Variants in AGXT observed in about 807,000 individuals in gnomAD.
The protein encoded by AGXT is alanine--glyoxylate aminotransferase.
A neutral mutation model predicts 46.9 loss-of-function variants in AGXT; 41 were observed. The observed-to-expected ratio is 0.88, with a 90% CI of 0.68 to 1.14. The LOEUF is 1.14. Among genes scored for constraint, AGXT ranks in the 50% most tolerant of loss-of-function variants. The pLI, the probability that AGXT is intolerant of heterozygous loss-of-function variation, is 0.00. For synonymous variants in AGXT, 244 were observed against 227.9 expected, an observed-to-expected ratio of 1.07 and a Z score of -0.64; for missense variants, 525 against 522.7, an observed-to-expected ratio of 1.00 and a Z score of -0.04.
intron 2 of AGXT, among the ~76,000 whole-genome samples, chr2:240,869,901 G>A (rs1341226332): frequency 6.6e-6 from 1 of 152,152 alleles, no homozygotes; most frequent in African/African-American, 2.4e-5. Context: ...GGCATTGAGG[G>A]ACATCAGCTT....
At position 240,874,039 on chromosome 2, in the gene AGXT, C is replaced by T; in HGVS notation, c.657C>T (p.Leu219=). The T allele has an allele frequency of 6.2e-7, 1 of 1,613,712 alleles. No homozygotes were observed. Among genetic ancestry groups the T allele is most frequent in the East Asian group, 2.2e-5 (1 of 44,876 alleles). The stretch of plus-strand genomic sequence containing the variant: ...TGAACGCCCCTCCAGGGACCTCGCT[C>T]ATCTCCTTCAGTGACAAGGCCAAGT... ...KALNAPPGTS[L]ISFSDKAKKK... The change falls in exon 6 of 11, where the codon CTC becomes CTT. Residue 219 remains leucine, a synonymous_variant. Transcript: ENST00000307503.
At position 240,877,575 on chromosome 2, in the gene AGXT, G is replaced by A. The variant is rs377132245; in HGVS notation, c.885G>A (p.Ala295=). ...ENSWRQHREA[A]AYLHGRLQAL... ...GCTGGCGCCAGCACCGCGAGGCCGCGGCGTATCTGCATGGGCGCCTGCAGG... is the reference window on the plus strand; with the variant it reads ...GCTGGCGCCAGCACCGCGAGGCCGCAGCGTATCTGCATGGGCGCCTGCAGG... Residue 295 remains alanine (A), a synonymous_variant, in exon 9 of 11, where the codon GCG becomes GCA. Transcript: ENST00000307503. 190 of 1,550,736 alleles carry A rather than the reference G, an allele frequency of 1.2e-4. No homozygotes were observed. Among genetic ancestry groups the A allele is most frequent in the Non-Finnish European group, 1.5e-4 (171 of 1,146,924 alleles).
At chr2:240,878,607 G>T in intron 10 of AGXT, 107 bp from the exon 11 acceptor site, 1 of 1,037,866 alleles carries the variant, frequency 9.6e-7, no homozygotes, top group South Asian at 1.4e-5. Context: ...GACGCTGGGT[G>T]GGTGGTCCTC....
In AGXT at chr2:240,879,101, G is replaced by A. The variant is rs1340664429; in HGVS notation, c.*280G>A. 3.6e-6 allele frequency: 2 copies of A among 559,436 alleles called. No individual in the cohort carries two copies. Among genetic ancestry groups the A allele is most frequent in the Non-Finnish European group, 6.4e-6 (2 of 310,462 alleles). The allele number at this position is 559,436 out of a possible 1,614,324, so 34.7% of individuals were successfully genotyped here. The stretch of plus-strand genomic sequence containing the variant: ...GCCTCCCGGGAATGTTTAATAAAGG[G>A]CCTGGCCAACTCTCCTCACTGTGTG... On this transcript the variant is annotated 3_prime_UTR_variant, in exon 11 of 11. Coordinates refer to ENST00000307503, the MANE Select transcript of AGXT (RefSeq NM_000030.3).
Position 240,878,818 on chromosome 2 carries a change from G to C in AGXT, c.1176G>C (p.Leu392=). ...AALQHCPKKK[L] ...TGCAGCACTGCCCCAAGAAGAAGCTGTGACCTGCCCACTGGCACACAGCTG... is the reference window on the plus strand; with the variant it reads ...TGCAGCACTGCCCCAAGAAGAAGCTCTGACCTGCCCACTGGCACACAGCTG... Residue 392 remains leucine (L), a synonymous_variant, in exon 11 of 11, where the codon CTG becomes CTC. Transcript: ENST00000307503. 1.3e-6 allele frequency: 2 copies of C among 1,589,300 alleles called. No individual in the cohort carries two copies. The highest frequency in any genetic ancestry group is 1.7e-6 in the Non-Finnish European group (2 of 1,170,800).
intron 9 of AGXT, 82 bp from the exon 10 acceptor site, chr2:240,877,940 G>A: frequency 6.4e-7 from 1 of 1,569,198 alleles, no homozygotes; most frequent in Non-Finnish European, 8.7e-7. Context: ...CTGAAGCTGG[G>A]GCAGATGGTG....
At chr2:240,876,045 G>C in intron 8 of AGXT, 41 bp downstream of exon 8, 1 of 1,607,234 alleles carries the variant, frequency 6.2e-7, no homozygotes, top group Non-Finnish European at 8.5e-7. Context: ...AGGGCCACTG[G>C]CTGGATTGTC....
intron 7 of AGXT, 111 bp downstream of exon 7, chr2:240,875,315 C>T (rs2059018302): frequency 1.1e-6 from 1 of 904,308 alleles, no homozygotes; most frequent in Non-Finnish European, 1.7e-6. Context: ...CTTCATGCCT[C>T]AAGAACCCCA....
rs2059003112 is a variant in AGXT, at chr2:240,873,561, A to C, written c.596-417A>C. On this transcript the variant is annotated intron_variant, in intron 5 of 10. Coordinates refer to ENST00000307503, the MANE Select transcript of AGXT (RefSeq NM_000030.3). Reference sequence around the variant, plus strand: ...GGGAGAGAGCCTGCACATTGCATCCACTGCGGTGCCTGCCCACCCACTCCA... The same window carrying C: ...GGGAGAGAGCCTGCACATTGCATCCCCTGCGGTGCCTGCCCACCCACTCCA... 5 of 288,966 alleles carry C rather than the reference A, an allele frequency of 1.7e-5. No homozygotes were observed. In the South Asian group the frequency reaches 2.1e-4, roughly 12 times the overall value. 17.9% of individuals were successfully genotyped at this position (288,966 alleles called of 1,614,324 possible).
chr2:240,869,676 G>A (rs978370992), intron 2 of AGXT, among the ~76,000 whole-genome samples: 1 of 152,086 alleles, frequency 6.6e-6, no homozygotes, highest in African/African-American at 2.4e-5. Context: ...TGAGAGCCCC[G>A]GCCGCTGTCC....
rs73106685 is a variant in AGXT, at chr2:240,875,997, C to T, written c.839C>T (p.Ala280Val). 2.0e-3 allele frequency: 3,164 copies of T among 1,614,066 alleles called. 42 individuals carry two copies. The African/African-American group carries it at 0.036, about 19-fold the overall frequency. The change falls in exon 8 of 11, where the codon GCG (alanine) becomes GTG (valine). Residue 280 changes from alanine (A) to valine (V), a missense_variant. Physicochemically the swap from Ala to Val is moderately conservative, Grantham distance 64. Coordinates refer to ENST00000307503, the MANE Select transcript of AGXT (RefSeq NM_000030.3). ...YSLRESLALI[A>V]EQGLENSWRQ... The stretch of plus-strand genomic sequence containing the variant: ...CTGAGAGAGAGCCTGGCCCTCATTG[C>T]GGAACAGGTGCATGGGCTGCACTCC...
intron 5 of AGXT, 31 bp downstream of exon 5, chr2:240,873,080 C>T (rs779494026): frequency 1.3e-6 from 2 of 1,594,160 alleles, no homozygotes; most frequent in Non-Finnish European, 1.7e-6. Context: ...CCCTACCCAG[C>T]CCAAGCAGCC....
intron 3 of AGXT, 72 bp from the exon 4 acceptor site, chr2:240,871,277 A>T (rs538533341): frequency 8.3e-4 from 1,107 of 1,333,172 alleles, no homozygotes; most frequent in Non-Finnish European, 1.1e-3. Flanking sequence ...TGTGCCACCC[A>T]TGGGGGGTTT....
At position 240,869,323 on chromosome 2, in the gene AGXT, A is replaced by T; in HGVS notation, c.319A>T (p.Ile107Phe). 1 of 1,609,830 alleles carries T rather than the reference A, an allele frequency of 6.2e-7. No homozygotes were observed. The highest frequency in any genetic ancestry group is 8.5e-7 in the Non-Finnish European group (1 of 1,177,232). Residue 107 changes from isoleucine (I) to phenylalanine (F), a missense_variant, in exon 2 of 11, where the codon ATT (isoleucine) becomes TTT (phenylalanine). Transcript: ENST00000307503. ...GDSFLVGANG[I>F]WGQRAVDIGE... ...CTCCTTCCTGGTTGGGGCCAATGGC[A>T]TTTGGGGGCAGCGAGCCGTGGACAT...
chr2:240,869,767 C>CAAT (rs1219378343), intron 2 of AGXT, among the ~76,000 whole-genome samples: 1 of 152,206 alleles, frequency 6.6e-6, no homozygotes, highest in East Asian at 1.9e-4. Context: ...CAGCAGCCTT[C>CAAT]CTTCTGGAAT....
rs147497484 is a variant in AGXT at position 240,871,409 on chromosome 2, G to C, written c.484G>C (p.Val162Leu). The C allele has an allele frequency of 6.2e-7, 1 of 1,600,214 alleles. No homozygotes were observed. Among genetic ancestry groups the C allele is most frequent in the Non-Finnish European group, 8.5e-7 (1 of 1,174,110 alleles). ...FLTHGESSTG[V>L]LQPLDGFGEL... is the part of the protein sequence containing the mutation. ...AACCCACGGGGAGTCGTCCACCGGC[G>C]TGCTGCAGCCCCTTGATGGCTTCGG... The change falls in exon 4 of 11, where the codon GTG becomes CTG. Residue 162 changes from valine (V) to leucine (L), a missense_variant. Coordinates refer to ENST00000307503, the MANE Select transcript of AGXT (RefSeq NM_000030.3).
intron 10 of AGXT, among the ~76,000 whole-genome samples, 199 bp from the exon 11 acceptor site, chr2:240,878,515 G>A (rs1051764659): frequency 6.6e-6 from 1 of 152,234 alleles, no homozygotes; most frequent in Non-Finnish European, 1.5e-5. Context: ...GGCTGCGGGT[G>A]CAGAGGGAGG....
At position 240,873,043 on chromosome 2, in the gene AGXT, C is replaced by T. The variant is rs556062091; in HGVS notation, c.589C>T (p.Arg197Trp). Reference sequence around the variant, plus strand: ...GGGCGGGACCCCCCTTTACATGGACCGGCAAGGTAAGGGTGGGCTCTGAGA... The same window carrying T: ...GGGCGGGACCCCCCTTTACATGGACTGGCAAGGTAAGGGTGGGCTCTGAGA... ...SLGGTPLYMDRQGIDILYSGS... is the reference protein window; with the variant it reads ...SLGGTPLYMDWQGIDILYSGS... Residue 197 changes from arginine to tryptophan, a missense_variant, in exon 5 of 11, where the codon CGG becomes TGG. Arg to Trp is a moderately radical substitution (Grantham distance 101). Transcript: ENST00000307503. 76 of 1,613,658 alleles carry T rather than the reference C, an allele frequency of 4.7e-5. 1 individual carries two copies. The highest frequency in any genetic ancestry group is 3.8e-4 in the East Asian group (17 of 44,862).
intron 8 of AGXT, 103 bp from the exon 9 acceptor site, chr2:240,877,434 A>G: frequency 8.5e-7 from 1 of 1,179,508 alleles, no homozygotes. Flanking sequence ...GCTCCCCTGC[A>G]CCAAGGCCTG....
Sources: gnomAD v4.1 joint callset for allele counts (sites outside exome capture counted in the v4.1 genomes callset) on GRCh38, gnomAD v4.1.1 for gene constraint, MANE v1.5 for transcripts, NCBI Gene and HGNC (gene_info 2026-07-23, HGNC 2026-07-21) for gene names.